The following AGBL4 variants were observed in gnomAD, a reference collection of about 807,000 sequenced individuals.
AGBL4 encodes the protein AGBL carboxypeptidase 4, also known as cytosolic carboxypeptidase 6.
AGBL4 carries 58 observed loss-of-function variants against 66.4 expected under a neutral mutation model. The ratio of observed to expected loss-of-function variants is 0.87; its 90% CI spans 0.71 to 1.09. The LOEUF is 1.09. Among genes scored for constraint, AGBL4 ranks in the 50% least tolerant of loss-of-function variants. The pLI is 0.00. For synonymous variants in AGBL4, 234 were observed against 222.9 expected, an observed-to-expected ratio of 1.05 and a Z score of -0.44; for missense variants, 579 against 631.0, an observed-to-expected ratio of 0.92 and a Z score of 0.88.
At chr1:49,701,428 T>C (rs556074382) in intron 2 of AGBL4, among the ~76,000 whole-genome samples, 12 of 152,276 alleles carry the variant, frequency 7.9e-5, no homozygotes, top group African/African-American at 2.6e-4. Context: ...GATATATTTA[T>C]GGATAAGCCT....
intron 5 of AGBL4, among the ~76,000 whole-genome samples, chr1:48,941,990 C>T (rs1002070117): frequency 6.6e-6 from 1 of 152,188 alleles, no homozygotes; most frequent in Non-Finnish European, 1.5e-5. Context: ...TTCTCTTGCC[C>T]GTGCAAACCA....
At chr1:48,724,063 A>T (rs554832038) in intron 6 of AGBL4, among the ~76,000 whole-genome samples, 34 of 152,328 alleles carry the variant, frequency 2.2e-4, no homozygotes, top group African/African-American at 2.2e-4. Context: ...ATGAAAGCCA[A>T]GGTCACTGCA....
intron 3 of AGBL4, among the ~76,000 whole-genome samples, chr1:49,421,792 A>G (rs1645551890): frequency 6.6e-6 from 1 of 152,096 alleles, no homozygotes. Flanking sequence ...CTTTTCTACC[A>G]TGAAATCCTA....
At chr1:49,517,595 A>G (rs1649936664) in intron 3 of AGBL4, among the ~76,000 whole-genome samples, 2 of 152,088 alleles carry the variant, frequency 1.3e-5, no homozygotes, top group South Asian at 2.1e-4. Flanking sequence ...AGGAGCGTTC[A>G]GAAGTACTGT....
intron 11 of AGBL4, among the ~76,000 whole-genome samples, chr1:48,541,436 C>T (rs141788021): frequency 3.3e-5 from 5 of 152,344 alleles, no homozygotes; most frequent in Non-Finnish European, 5.9e-5. Context: ...TACCCACACA[C>T]TCATCTGACA....
At chr1:49,108,209 C>T (rs1232684354) in intron 4 of AGBL4, among the ~76,000 whole-genome samples, 1 of 152,126 alleles carries the variant, frequency 6.6e-6, no homozygotes, top group East Asian at 1.9e-4. Context: ...CCTGTTGTTA[C>T]CTATGAATTC....
At chr1:49,182,723 A>G (rs1374584261) in intron 4 of AGBL4, among the ~76,000 whole-genome samples, 4 of 152,018 alleles carry the variant, frequency 2.6e-5, no homozygotes, top group African/African-American at 9.7e-5. Flanking sequence ...TCCTAGGGGT[A>G]AAAAAGAGGA....
intron 5 of AGBL4, among the ~76,000 whole-genome samples, chr1:48,915,033 GT>G (rs1653467593): frequency 1.3e-5 from 2 of 152,136 alleles, no homozygotes; most frequent in Non-Finnish European, 2.9e-5. Context: ...AGACTGATTC[GT>G]CCGTGAGGAA....
At chr1:49,908,753 C>A (rs973718651) in intron 1 of AGBL4, among the ~76,000 whole-genome samples, 4 of 151,916 alleles carry the variant, frequency 2.6e-5, no homozygotes, top group Non-Finnish European at 5.9e-5. Context: ...CAGAATGAGA[C>A]CCTGTATCAA....
chr1:49,841,521 G>A (rs1241643217), intron 2 of AGBL4, among the ~76,000 whole-genome samples: 1 of 152,016 alleles, frequency 6.6e-6, no homozygotes, highest in Admixed American at 6.5e-5. Context: ...CCAAAAAAGA[G>A]TCCAAATACC....
intron 4 of AGBL4, among the ~76,000 whole-genome samples, chr1:49,163,641 T>A (rs1438016313): frequency 6.6e-6 from 1 of 152,220 alleles, no homozygotes; most frequent in Non-Finnish European, 1.5e-5. Flanking sequence ...CGTCTGTTGA[T>A]GTATGAACGA....
At chr1:49,231,199 C>A (rs1650282927) in intron 4 of AGBL4, among the ~76,000 whole-genome samples, 1 of 152,006 alleles carries the variant, frequency 6.6e-6, no homozygotes, top group African/African-American at 2.4e-5. Flanking sequence ...GGAAACAAAG[C>A]CTCAGGAAAG....
At chr1:49,246,529 G>A (rs767611209) in intron 3 of AGBL4, among the ~76,000 whole-genome samples, 33 of 151,750 alleles carry the variant, frequency 2.2e-4, no homozygotes, top group Admixed American at 4.6e-4. Flanking sequence ...CTCAGCATAC[G>A]TTTATAGCGC....
intron 3 of AGBL4, among the ~76,000 whole-genome samples, chr1:49,548,898 G>T (rs372136570): frequency 5.3e-5 from 8 of 152,146 alleles, no homozygotes; most frequent in Non-Finnish European, 1.0e-4. Context: ...CTGTAAATCC[G>T]TCTGGTCTGG....
At chr1:49,790,118 C>T (rs549435553) in intron 2 of AGBL4, among the ~76,000 whole-genome samples, 1 of 152,232 alleles carries the variant, frequency 6.6e-6, no homozygotes, top group South Asian at 2.1e-4. Context: ...GTGGCTCACG[C>T]CTGTAATCCC....
At chr1:49,981,485 ATAAGAGGCATTTTAC>A (rs1659052795) in intron 1 of AGBL4, among the ~76,000 whole-genome samples, 1 of 152,082 alleles carries the variant, frequency 6.6e-6, no homozygotes, top group Non-Finnish European at 1.5e-5. Context: ...ACTGCTCCAG[ATAAGAGGCATTTTAC>A]TATTTCCATT....
At chr1:49,538,856 TACAA>T (rs138271992) in intron 3 of AGBL4, among the ~76,000 whole-genome samples, 109 of 152,312 alleles carry the variant, frequency 7.2e-4, no homozygotes, top group African/African-American at 2.5e-3. Flanking sequence ...TATAAACTGA[TACAA>T]ACATTTATAC....
chr1:49,584,103 AC>A (rs1263026357), intron 3 of AGBL4, among the ~76,000 whole-genome samples: 4 of 151,938 alleles, frequency 2.6e-5, no homozygotes, highest in Non-Finnish European at 5.9e-5. Context: ...TAGGTAGGAG[AC>A]CCATGTTTGA....
chr1:49,683,509 T>C (rs1183495094), intron 3 of AGBL4, among the ~76,000 whole-genome samples: 1 of 152,114 alleles, frequency 6.6e-6, no homozygotes, highest in Non-Finnish European at 1.5e-5. Context: ...AGTCTCAGTC[T>C]CTAATAGAAG....
Sources: allele counts gnomAD v4.1 joint callset (sites outside exome capture counted in the v4.1 genomes callset), GRCh38; gene constraint gnomAD v4.1.1; transcripts MANE v1.5; gene names NCBI Gene and HGNC (gene_info 2026-07-23, HGNC 2026-07-21).